Variants in USP34 observed in about 807,000 individuals in gnomAD.
The protein encoded by USP34 is ubiquitin specific peptidase 34.
USP34 carries 70 observed loss-of-function variants against 460.3 expected under a neutral mutation model. The ratio of observed to expected loss-of-function variants is 0.15; its 90% CI spans 0.13 to 0.19. The LOEUF (loss-of-function observed/expected upper bound fraction) is 0.19. Among genes scored for constraint, USP34 ranks in the 10% least tolerant of loss-of-function variants. The probability of loss-of-function intolerance (pLI) is 1.00; values close to 1 mark genes in which losing one functional copy is unlikely to be tolerated. For missense variants in USP34, 3,985 were observed against 4,236.2 expected, an observed-to-expected ratio of 0.94 and a Z score of 1.65; for synonymous variants, 1,647 against 1,405.3, an observed-to-expected ratio of 1.17 and a Z score of -3.85.
At chr2:61,366,215 C>T (rs546608013) in intron 10 of USP34, among the ~76,000 whole-genome samples, 5 of 152,278 alleles carry the variant, frequency 3.3e-5, no homozygotes, top group Admixed American at 6.5e-5. Flanking sequence ...TGAGCCACCA[C>T]GCCCAGACAG....
chr2:61,332,908 A>G (rs115529338), intron 19 of USP34, among the ~76,000 whole-genome samples: 2,957 of 152,158 alleles, frequency 0.019, 55 homozygotes, highest in Non-Finnish European at 0.031. Flanking sequence ...AATTAACTTC[A>G]TCTAATCTGG....
intron 41 of USP34, among the ~76,000 whole-genome samples, chr2:61,272,204 T>C (rs547975568): frequency 2.4e-4 from 36 of 152,038 alleles, no homozygotes; most frequent in African/African-American, 8.2e-4. Context: ...GAGGTCAGGA[T>C]ATCGAGACCA....
At chr2:61,201,382 T>G (rs1686972398) in intron 75 of USP34, among the ~76,000 whole-genome samples, 1 of 152,028 alleles carries the variant, frequency 6.6e-6, no homozygotes, top group African/African-American at 2.4e-5. Context: ...CATGCCTAGC[T>G]AATTTTTTTA....
intron 1 of USP34, among the ~76,000 whole-genome samples, chr2:61,424,216 C>G (rs1045953158): frequency 6.6e-6 from 1 of 152,082 alleles, no homozygotes; most frequent in Non-Finnish European, 1.5e-5. Context: ...TATAAATATC[C>G]CATTGCTCCT....
At chr2:61,197,000 C>T (rs1051854073) in intron 75 of USP34, among the ~76,000 whole-genome samples, 7 of 152,120 alleles carry the variant, frequency 4.6e-5, no homozygotes, top group African/African-American at 1.7e-4. Context: ...ATAGGCCAGG[C>T]GTGGTGGCTC....
intron 51 of USP34, 41 bp from the exon 52 acceptor site, chr2:61,241,860 G>C: frequency 9.6e-7 from 1 of 1,040,904 alleles, no homozygotes; most frequent in Non-Finnish European, 1.4e-6. Context: ...TGAAAAAATG[G>C]GTATACTCAG....
chr2:61,296,958 C>A, intron 29 of USP34, 33 bp from the exon 30 acceptor site: 1 of 1,573,688 alleles, frequency 6.4e-7, no homozygotes. Context: ...TTTATCAAAA[C>A]AGATCAGAAA....
chr2:61,219,808 T>G (rs1386693537), intron 67 of USP34, among the ~76,000 whole-genome samples: 1 of 152,168 alleles, frequency 6.6e-6, no homozygotes, highest in African/African-American at 2.4e-5. Context: ...ATTTTCATTT[T>G]TTTGAACTAT....
In USP34 at chr2:61,378,407, G is replaced by A; in HGVS notation, c.1032C>T (p.Phe344=). 1 of 1,593,652 alleles carries A rather than the reference G, an allele frequency of 6.3e-7. No homozygotes were observed. The highest frequency in any genetic ancestry group is 8.5e-7 in the Non-Finnish European group (1 of 1,173,696). Residue 344 remains phenylalanine, a synonymous_variant, in exon 8 of 80, where the codon TTC becomes TTT. Coordinates refer to ENST00000398571, the MANE Select transcript of USP34 (RefSeq NM_014709.4). ...ATGATTCATTATTGCACACATCATT[G>A]AAGGTATGGAGTTGATTCTATGATT... ...LSQITNQLHT[F]NDVCNNESLV... is the part of the protein sequence containing the mutation.
chr2:61,264,392 T>A (rs1688985463), intron 43 of USP34, among the ~76,000 whole-genome samples: 1 of 152,162 alleles, frequency 6.6e-6, no homozygotes, highest in African/African-American at 2.4e-5. Context: ...TCCCAGTACT[T>A]TGGAAGGCCA....
intron 37 of USP34, among the ~76,000 whole-genome samples, chr2:61,281,468 C>T (rs768779817): frequency 1.3e-5 from 2 of 152,092 alleles, no homozygotes; most frequent in Non-Finnish European, 2.9e-5. Context: ...AAAAATTAAC[C>T]GGGTGTGGTG....
chr2:61,421,949 T>C (rs997329648), intron 1 of USP34, among the ~76,000 whole-genome samples: 1 of 151,636 alleles, frequency 6.6e-6, no homozygotes, highest in Admixed American at 6.6e-5. Flanking sequence ...CAAAAAGGGG[T>C]TTAAAAAAAA....
At chr2:61,327,139 A>C (rs1014777755) in intron 20 of USP34, among the ~76,000 whole-genome samples, 1 of 152,144 alleles carries the variant, frequency 6.6e-6, no homozygotes, top group Admixed American at 6.5e-5. Context: ...AAATTTTAAC[A>C]GCATCCCAAA....
At position 61,192,927 on chromosome 2, in the gene USP34, G is replaced by T; in HGVS notation, c.9562C>A (p.Leu3188Ile). Reference sequence around the variant, plus strand: ...TGAGTCTGGCATAGCTCAGTCCAAAGTTTGGGGAACAGTGCAAGATGAAGT... The same window carrying T: ...TGAGTCTGGCATAGCTCAGTCCAAATTTTGGGGAACAGTGCAAGATGAAGT... Reference protein sequence around the residue: ...LPLHLALFPKLWTELCQTQSA... With the variant: ...LPLHLALFPKIWTELCQTQSA... The change falls in exon 76 of 80, where the codon CTT (leucine) becomes ATT (isoleucine). Residue 3188 changes from leucine (L) to isoleucine (I), a missense_variant. Leu to Ile is a conservative substitution (Grantham distance 5). This residue lies in a region of USP34 where 506 missense variants were observed against 439.0 expected (regional missense o/e 1.15). Transcript: ENST00000398571. 6.2e-7 allele frequency: 1 copy of T among 1,613,874 alleles called. No individual in the cohort carries two copies. The highest frequency in any genetic ancestry group is 1.7e-5 in the Admixed American group (1 of 60,002).
At chr2:61,364,326 G>A (rs1025853524) in intron 10 of USP34, among the ~76,000 whole-genome samples, 2 of 152,188 alleles carry the variant, frequency 1.3e-5, no homozygotes, top group African/African-American at 4.8e-5. Context: ...TAATTGTGCT[G>A]CTGCATCCAG....
chr2:61,196,069 ATTTTTTTTTTTT>A lies in USP34; in HGVS notation c.9509-3101_9509-3090del, dbSNP rs71403398. On this transcript the variant is annotated intron_variant, in intron 75 of 79. Transcript: ENST00000398571. ...CTACAGGTATGCACCACCATGCACG[ATTTTTTTTTTTT>A]TTTTTTTTTTTTTTTTTGAGACGGA... 1.8e-3 allele frequency among the ~76,000 whole-genome samples: 76 copies of A among 41,580 alleles called. 1 individual carries two copies. The highest frequency in any genetic ancestry group is 5.6e-3 in the African/African-American group (53 of 9,522). The allele number at this position is 41,580 out of a possible 152,430, so 27.3% of individuals were successfully genotyped here. A position where few individuals can be genotyped will look rare whatever the true frequency, so the allele number is the denominator to read the frequency against.
At chr2:61,221,460 C>A in intron 66 of USP34, 42 bp downstream of exon 66, 2 of 1,539,726 alleles carry the variant, frequency 1.3e-6, no homozygotes, top group Non-Finnish European at 1.8e-6. Flanking sequence ...AAATAAAATC[C>A]TCAGGAAAAT....
At position 61,280,311 on chromosome 2, in the gene USP34, C is replaced by A; in HGVS notation, c.5189G>T (p.Gly1730Val). ...DYEEEPILKPGCKEYFWLLCK... is the reference protein window; with the variant it reads ...DYEEEPILKPVCKEYFWLLCK... ...TAACAACCAAAAATACTCTTTACAT[C>A]CTGGTTTTAATATTGGTTCTTCCTC... Residue 1730 changes from glycine to valine, a missense_variant, in exon 39 of 80, where the codon GGA becomes GTA. By Grantham distance (109) the Gly-to-Val change is moderately radical. Transcript: ENST00000398571. 6.4e-7 allele frequency: 1 copy of A among 1,556,994 alleles called. No homozygotes were observed. The highest frequency in any genetic ancestry group is 8.7e-7 in the Non-Finnish European group (1 of 1,153,568).
intron 1 of USP34, among the ~76,000 whole-genome samples, chr2:61,426,748 T>C (rs1694522995): frequency 6.6e-6 from 1 of 152,152 alleles, no homozygotes; most frequent in Admixed American, 6.5e-5. Context: ...CAGCAGGCCT[T>C]GGGTGAGACC....
Sources: allele counts gnomAD v4.1 joint callset (sites outside exome capture counted in the v4.1 genomes callset), GRCh38; gene constraint gnomAD v4.1.1; regional missense constraint gnomAD v4.1.1; transcripts MANE v1.5; gene names NCBI Gene and HGNC (gene_info 2026-07-23, HGNC 2026-07-21).